HEMK1: variants seen among roughly 807,000 people sequenced by gnomAD.
HEMK1 encodes the protein MTRF1L release factor glutamine methyltransferase.
Under a neutral mutation model 47.9 loss-of-function variants are expected in HEMK1, and 36 were observed. That is an observed-to-expected ratio of 0.75 (90% CI 0.58 to 0.99). The LOEUF is 0.99. Ranked by LOEUF, HEMK1 falls within the 50% of genes least tolerant of loss-of-function variation. The pLI is 0.00. For missense variants in HEMK1, 383 were observed against 434.5 expected, an observed-to-expected ratio of 0.88 and a Z score of 1.05; for synonymous variants, 153 against 165.4, an observed-to-expected ratio of 0.93 and a Z score of 0.57.
In HEMK1 at chr3:50,577,165, C is replaced by G; in HGVS notation, c.528C>G (p.Ser176Arg). ...GCGGATCAGGAGCCATCTCCCTCAGCCTGCTGAGCCAGCTCCCCCAGGTGA... is the reference window on the plus strand; with the variant it reads ...GCGGATCAGGAGCCATCTCCCTCAGGCTGCTGAGCCAGCTCCCCCAGGTGA... The part of the protein sequence containing the change: ...VGCGSGAISL[S>R]LLSQLPQSRV... Residue 176 changes from serine (S) to arginine (R), a missense_variant, in exon 5 of 11, where the codon AGC becomes AGG. By Grantham distance (110) the Ser-to-Arg change is moderately radical. Transcript: ENST00000232854. 6.2e-7 allele frequency: 1 copy of G among 1,611,358 alleles called. No homozygotes were observed. The highest frequency in any genetic ancestry group is 1.3e-5 in the African/African-American group (1 of 74,862).
At position 50,577,199 on chromosome 3, in the gene HEMK1, AC is replaced by A; in HGVS notation, c.549+16del. 1 of 1,606,244 alleles carries A rather than the reference AC, an allele frequency of 6.2e-7. No individual in the cohort carries two copies. On this transcript the variant is annotated intron_variant, in intron 5 of 10. Transcript: ENST00000232854. ...CCAGCTCCCCCAGGTGAGCCCCTCC[AC>A]CCACTCTGGATAGACTGTGACTGAC...
Position 50,588,496 on chromosome 3 carries a change from G to C in HEMK1, c.*8079G>C, listed in dbSNP as rs778374486. The C allele has an allele frequency of 6.6e-6, 1 of 152,280 alleles. No homozygotes were observed. Among genetic ancestry groups the C allele is most frequent in the Non-Finnish European group, 1.5e-5 (1 of 68,062 alleles). 9.4% of individuals were successfully genotyped at this position (152,280 alleles called of 1,614,324 possible). On this transcript the variant is annotated 3_prime_UTR_variant, in exon 11 of 11. Transcript: ENST00000232854. ...TGCCCCACAGCCAACGTGGGCTCCA[G>C]GGTGAAGGGGAAAGTGATGAATCAA...
At position 50,585,824 on chromosome 3, in the gene HEMK1, T is replaced by G. The variant is rs145685971; in HGVS notation, c.*5407T>G. 1 of 152,378 alleles carries G rather than the reference T, an allele frequency of 6.6e-6. No individual in the cohort carries two copies. Among genetic ancestry groups the G allele is most frequent in the East Asian group, 1.9e-4 (1 of 5,186 alleles). 9.4% of individuals were successfully genotyped at this position (152,378 alleles called of 1,614,324 possible). A position where few individuals can be genotyped will look rare whatever the true frequency, so the allele number is the denominator to read the frequency against. On this transcript the variant is annotated 3_prime_UTR_variant, in exon 11 of 11. Transcript: ENST00000232854. ...TTTTTTCCCAGAGAGGGATGGGGCT[T>G]ACTTGAAGTAACACAGCACTTGACT...
Position 50,580,445 on chromosome 3 carries a change from G to A in HEMK1, c.*28G>A. The A allele has an allele frequency of 6.2e-7, 1 of 1,613,544 alleles. No homozygotes were observed. The highest frequency in any genetic ancestry group is 8.5e-7 in the Non-Finnish European group (1 of 1,179,600). ...TGGCTGCCCTGTGGATGCCTTGTCAGTGCCGCCAGCCTGACCAGAGGGGAG... is the reference window on the plus strand; with the variant it reads ...TGGCTGCCCTGTGGATGCCTTGTCAATGCCGCCAGCCTGACCAGAGGGGAG... On this transcript the variant is annotated 3_prime_UTR_variant, in exon 11 of 11. Transcript: ENST00000232854.
At position 50,592,102 on chromosome 3, in the gene HEMK1, GAA is replaced by G. The variant is rs796410238; in HGVS notation, c.*11698_*11699del. On this transcript the variant is annotated 3_prime_UTR_variant, in exon 11 of 11. Transcript: ENST00000232854. ...GACGACAGAGTGAGACTCCGCATCAGAAAAAAAAAAAAAAGAAAGAAAAGAGA... is the reference window on the plus strand; with the variant it reads ...GACGACAGAGTGAGACTCCGCATCAGAAAAAAAAAAAAGAAAGAAAAGAGA... 2 of 118,518 alleles carry G rather than the reference GAA, an allele frequency of 1.7e-5. No homozygotes were observed. The highest frequency in any genetic ancestry group is 3.1e-5 in the African/African-American group (1 of 31,978). 7.3% of individuals were successfully genotyped at this position (118,518 alleles called of 1,614,324 possible).
Position 50,579,857 on chromosome 3 carries a change from G to A in HEMK1, c.784G>A (p.Ala262Thr), listed in dbSNP as rs772087732. The A allele has an allele frequency of 6.2e-5, 100 of 1,613,536 alleles. No homozygotes were observed. The highest frequency in any genetic ancestry group is 3.1e-4 in the South Asian group (28 of 91,012). ...TTTGCCTTTCAGCTATGAAGACCCC[G>A]CGGCCCTGGATGGTGGGGAGGAGGG... Reference protein sequence around the residue: ...APEIRSYEDPAALDGGEEGMD... With the variant: ...APEIRSYEDPTALDGGEEGMD... Residue 262 changes from alanine to threonine, a missense_variant, in exon 9 of 11, where the codon GCG (alanine) becomes ACG (threonine). By Grantham distance (58) the Ala-to-Thr change is moderately conservative. Transcript: ENST00000232854.
chr3:50,578,767 C>T, intron 7 of HEMK1, 54 bp from the exon 8 acceptor site: 1 of 1,203,688 alleles, frequency 8.3e-7, no homozygotes, highest in Non-Finnish European at 1.2e-6. Context: ...GAGCTATCAT[C>T]CTTTACCTCC....
Position 50,580,189 on chromosome 3 carries a change from T to C in HEMK1, c.940T>C (p.Tyr314His). 6.2e-7 allele frequency: 1 copy of C among 1,614,178 alleles called. No homozygotes were observed. The highest frequency in any genetic ancestry group is 8.5e-7 in the Non-Finnish European group (1 of 1,180,026). Residue 314 changes from tyrosine to histidine, a missense_variant, in exon 10 of 11, where the codon TAC becomes CAC. Physicochemically the swap from Tyr to His is moderately conservative, Grantham distance 83. Coordinates refer to ENST00000232854, the MANE Select transcript of HEMK1 (RefSeq NM_016173.5). ...SSWLQSRPDL[Y>H]LNLVAVRRDF... is the part of the protein sequence containing the mutation. Reference sequence around the variant, plus strand: ...CTGGCTTCAGAGCCGGCCTGACCTGTACCTTAATCTTGTGGCTGTGCGCAG... The same window carrying C: ...CTGGCTTCAGAGCCGGCCTGACCTGCACCTTAATCTTGTGGCTGTGCGCAG...
intron 8 of HEMK1, among the ~76,000 whole-genome samples, chr3:50,579,256 G>T (rs1367755301): frequency 6.6e-6 from 1 of 152,144 alleles, no homozygotes; most frequent in Non-Finnish European, 1.5e-5. Flanking sequence ...GCTCATACAG[G>T]GTGCTCAGTA....
chr3:50,571,388 AG>A (rs1700938465), intron 2 of HEMK1, 56 bp downstream of exon 2: 1 of 1,309,972 alleles, frequency 7.6e-7, no homozygotes, highest in Non-Finnish European at 1.1e-6. Context: ...GACTTGGGGA[AG>A]GGATATCCAG....
chr3:50,574,640 G>A (rs1306743180), intron 4 of HEMK1, among the ~76,000 whole-genome samples: 1 of 152,120 alleles, frequency 6.6e-6, no homozygotes. Flanking sequence ...CTCAGCTTGT[G>A]GCCTCACCAC....
chr3:50,573,704 C>T (rs1280072779), intron 4 of HEMK1, among the ~76,000 whole-genome samples: 1 of 152,210 alleles, frequency 6.6e-6, no homozygotes, highest in Non-Finnish European at 1.5e-5. Context: ...GATGCCTTAC[C>T]AAGAACTCAA....
chr3:50,580,066 G>T (rs2030550567), intron 9 of HEMK1, 50 bp from the exon 10 acceptor site: 1 of 1,559,204 alleles, frequency 6.4e-7, no homozygotes. Flanking sequence ...GCCCAGAAGG[G>T]CAGGCGCCAG....
Position 50,571,345 on chromosome 3 carries a change from G to C in HEMK1, c.228+13G>C. On this transcript the variant is annotated intron_variant, in intron 2 of 10. Coordinates refer to ENST00000232854, the MANE Select transcript of HEMK1 (RefSeq NM_016173.5). ...TGGAGCCAAAACAGTTAAGTTTAGT[G>C]TTGTCAAGAGGACAGGAAGAGGGAG... 1 of 1,554,230 alleles carries C rather than the reference G, an allele frequency of 6.4e-7. No individual in the cohort carries two copies. The highest frequency in any genetic ancestry group is 8.7e-7 in the Non-Finnish European group (1 of 1,143,846).
At chr3:50,575,465 A>C (rs1174484777) in intron 4 of HEMK1, among the ~76,000 whole-genome samples, 1 of 151,864 alleles carries the variant, frequency 6.6e-6, no homozygotes, top group Non-Finnish European at 1.5e-5. Context: ...AGTAGCCAAG[A>C]GGTTTGTCTG....
In HEMK1 at chr3:50,571,177, G is replaced by C. The variant is rs747273872; in HGVS notation, c.73G>C (p.Ala25Pro). 4.3e-6 allele frequency: 7 copies of C among 1,613,656 alleles called. No individual in the cohort carries two copies. In the Admixed American group the frequency reaches 1.2e-4, roughly 27 times the overall value. Residue 25 changes from alanine to proline, a missense_variant, in exon 2 of 11, where the codon GCC (alanine) becomes CCC (proline). Transcript: ENST00000232854. ...PGRRGSTRGW[A>P]FSSWQPQPPL... ...GAGGAGGGGAAGTACCCGGGGCTGG[G>C]CCTTCAGCTCATGGCAACCCCAACC...
chr3:50,577,912 T>C, intron 7 of HEMK1, 37 bp downstream of exon 7: 1 of 1,594,278 alleles, frequency 6.3e-7, no homozygotes, highest in Non-Finnish European at 8.6e-7. Context: ...AGAGGGAGAC[T>C]AGATGCAGGT....
intron 4 of HEMK1, among the ~76,000 whole-genome samples, chr3:50,573,153 G>A (rs1701204385): frequency 1.3e-5 from 2 of 152,170 alleles, no homozygotes; most frequent in Admixed American, 6.5e-5. Flanking sequence ...TCACTGCCCA[G>A]TGTCAGGGCA....
rs2107552002 is a variant in HEMK1 at position 50,596,022 on chromosome 3, T to C, written c.*15605T>C. ...AAGGTGTGAGGTAGACGTTGCACTTTTTTTTCCTTCCAAATTGCTCCAATA... is the reference window on the plus strand; with the variant it reads ...AAGGTGTGAGGTAGACGTTGCACTTCTTTTTCCTTCCAAATTGCTCCAATA... On this transcript the variant is annotated 3_prime_UTR_variant, in exon 11 of 11. Transcript: ENST00000232854. The C allele has an allele frequency of 6.6e-6, 1 of 152,356 alleles. No individual in the cohort carries two copies. The highest frequency in any genetic ancestry group is 6.5e-5 in the Admixed American group (1 of 15,302). The allele number at this position is 152,356 out of a possible 1,614,324, so 9.4% of individuals were successfully genotyped here.
Sources: allele counts gnomAD v4.1 joint callset (sites outside exome capture counted in the v4.1 genomes callset), GRCh38; gene constraint gnomAD v4.1.1; transcripts MANE v1.5; gene names NCBI Gene and HGNC (gene_info 2026-07-23, HGNC 2026-07-21).